Variants in HELZ observed in about 807,000 individuals in gnomAD.
The protein encoded by HELZ is ATP-dependent RNA helicase with zinc finger domain.
A neutral mutation model predicts 218.2 loss-of-function variants in HELZ; 23 were observed. That is an observed-to-expected ratio of 0.11 (90% CI 0.08 to 0.15). The LOEUF (loss-of-function observed/expected upper bound fraction) is 0.15, where lower values mean the gene tolerates loss of function less well. HELZ is among the 10% of genes least tolerant of loss of function. HELZ has a pLI of 1.00. For missense variants in HELZ, 1,813 were observed against 2,353.7 expected, an observed-to-expected ratio of 0.77 and a Z score of 4.75; for synonymous variants, 814 against 829.4, an observed-to-expected ratio of 0.98 and a Z score of 0.32.
rs571046635 is a variant in HELZ at position 67,072,403 on chromosome 17, C to G, written c.*5849G>C. The G allele has an allele frequency of 6.5e-6, 1 of 152,756 alleles. No homozygotes were observed. The highest frequency in any genetic ancestry group is 1.9e-4 in the East Asian group (1 of 5,184). The allele number at this position is 152,756 out of a possible 1,614,324, so 9.5% of individuals were successfully genotyped here. On this transcript the variant is annotated 3_prime_UTR_variant, in exon 33 of 33. Coordinates refer to ENST00000358691, the MANE Select transcript of HELZ (RefSeq NM_014877.4). Reference sequence around the variant, plus strand: ...ATCTGTGGTTTTCGATGCTCCATGTCACTGCCATCTTAGGACAGGGACTCC... The same window carrying G: ...ATCTGTGGTTTTCGATGCTCCATGTGACTGCCATCTTAGGACAGGGACTCC...
chr17:67,244,588 AAG>A, intron 1 of HELZ: 2 of 694,630 alleles, frequency 2.9e-6, no homozygotes. Context: ...GGGGCGGGGA[AAG>A]GGGGGAAGAA....
intron 2 of HELZ, among the ~76,000 whole-genome samples, chr17:67,241,771 TC>T (rs2041319933): frequency 6.6e-6 from 1 of 152,198 alleles, no homozygotes; most frequent in African/African-American, 2.4e-5. Flanking sequence ...TGTCCTAGCT[TC>T]CCAGCCAAAA....
rs372453784 is a variant in HELZ at position 67,123,052 on chromosome 17, C to T, written c.3548G>A (p.Arg1183Lys). The T allele has an allele frequency of 6.2e-7, 1 of 1,613,580 alleles. No homozygotes were observed. Among genetic ancestry groups the T allele is most frequent in the Non-Finnish European group, 8.5e-7 (1 of 1,179,536 alleles). ...ACTTGTCCCAGTGTGAGGATCTATT[C>T]TTTGAACAGGGCTTGGAGATTTTCC... is the stretch of plus-strand genomic sequence containing the variant. ...NLGKSPSPVQRIDPHTGTSIL... is the reference protein window; with the variant it reads ...NLGKSPSPVQKIDPHTGTSIL... Residue 1183 changes from arginine to lysine, a missense_variant, in exon 26 of 33, where the codon AGA (arginine) becomes AAA (lysine). Arg to Lys is a conservative substitution (Grantham distance 26). Transcript: ENST00000358691.
intron 31 of HELZ, among the ~76,000 whole-genome samples, chr17:67,105,572 C>G (rs1015931142): frequency 6.6e-6 from 1 of 152,086 alleles, no homozygotes; most frequent in Admixed American, 6.6e-5. Context: ...TAAAATCCAC[C>G]AAATTGTACA....
rs1324664877 is a variant in HELZ, at chr17:67,071,073, T to A, written c.*7179A>T. ...ATAATTTAGAAGAGAAGTATTTTAA[T>A]CACCATATTTACCTAGGATACAACT... On this transcript the variant is annotated 3_prime_UTR_variant, in exon 33 of 33. Transcript: ENST00000358691. The A allele has an allele frequency of 6.6e-6, 1 of 152,292 alleles. No homozygotes were observed. Among genetic ancestry groups the A allele is most frequent in the East Asian group, 1.9e-4 (1 of 5,198 alleles). The allele number at this position is 152,292 out of a possible 1,614,324, so 9.4% of individuals were successfully genotyped here. A position where few individuals can be genotyped will look rare whatever the true frequency, so the allele number is the denominator to read the frequency against.
chr17:67,107,714 A>G (rs2037151413), intron 30 of HELZ, 29 bp from the exon 31 acceptor site: 1 of 1,577,282 alleles, frequency 6.3e-7, no homozygotes, highest in Admixed American at 1.8e-5. Context: ...ATATGAGGAG[A>G]AAACAAAAGG....
intron 31 of HELZ, among the ~76,000 whole-genome samples, chr17:67,096,416 C>G (rs2036750691): frequency 6.6e-6 from 1 of 152,222 alleles, no homozygotes; most frequent in Non-Finnish European, 1.5e-5. Context: ...ACTTCTTCCT[C>G]TCTACCTGAG....
chr17:67,090,278 A>G (rs1332918403), intron 31 of HELZ, among the ~76,000 whole-genome samples: 4 of 152,188 alleles, frequency 2.6e-5, no homozygotes, highest in Non-Finnish European at 5.9e-5. Flanking sequence ...ATCATAGTAT[A>G]TTCTTTTCAT....
intron 23 of HELZ, among the ~76,000 whole-genome samples, chr17:67,133,161 CAACAT>C (rs1414505477): frequency 1.3e-5 from 2 of 151,726 alleles, no homozygotes; most frequent in Admixed American, 6.6e-5. Context: ...TTTTTTCACT[CAACAT>C]AATATATTTA....
At chr17:67,106,354 G>A (rs1037434108) in intron 31 of HELZ, among the ~76,000 whole-genome samples, 5 of 150,278 alleles carry the variant, frequency 3.3e-5, no homozygotes, top group Non-Finnish European at 5.9e-5. Flanking sequence ...TGTCGCCCAC[G>A]CTGGAGTGCA....
At chr17:67,233,491 G>C (rs990131020) in intron 3 of HELZ, among the ~76,000 whole-genome samples, 2 of 152,204 alleles carry the variant, frequency 1.3e-5, no homozygotes, top group African/African-American at 4.8e-5. Flanking sequence ...GCATTTCTCA[G>C]TGTGAAGCAG....
chr17:67,161,139 C>A (rs148457311), intron 15 of HELZ, 63 bp from the exon 16 acceptor site: 3 of 1,235,018 alleles, frequency 2.4e-6, no homozygotes, highest in East Asian at 2.5e-5. Context: ...ACATAACACA[C>A]GAGTATCGTG....
chr17:67,135,983 T>C lies in HELZ; in HGVS notation c.3169A>G (p.Ile1057Val), dbSNP rs184561121. 44 of 1,612,904 alleles carry C rather than the reference T, an allele frequency of 2.7e-5. No individual in the cohort carries two copies. The East Asian group carries it at 6.3e-4, about 23-fold the overall frequency. Residue 1057 changes from isoleucine to valine, a missense_variant, in exon 23 of 33, where the codon ATT (isoleucine) becomes GTT (valine). Around this residue, in one of 4 missense-constraint regions of HELZ, gnomAD observed 156 missense variants for 274.4 expected, o/e 0.57. Coordinates refer to ENST00000358691, the MANE Select transcript of HELZ (RefSeq NM_014877.4). ...VVGDPIALCS[I>V]GRCRKFWERF... Reference sequence around the variant, plus strand: ...ACACATAATTACCTGCATCTTCCAATAGAGCACAGAGCAATGGGATCACCC... The same window carrying C: ...ACACATAATTACCTGCATCTTCCAACAGAGCACAGAGCAATGGGATCACCC...
At chr17:67,101,500 A>T (rs998886922) in intron 31 of HELZ, among the ~76,000 whole-genome samples, 1 of 152,214 alleles carries the variant, frequency 6.6e-6, no homozygotes, top group African/African-American at 2.4e-5. Context: ...AGAAAAACAC[A>T]AAGTCCAGAA....
chr17:67,165,425 G>A lies in HELZ; in HGVS notation c.1895+1053C>T, dbSNP rs547886507. Among the ~76,000 whole-genome samples the A allele has an allele frequency of 7.4e-4, 112 of 152,246 alleles. 1 individual carries two copies. Among genetic ancestry groups the A allele is most frequent in the Non-Finnish European group, 1.2e-3 (80 of 68,012 alleles). On this transcript the variant is annotated intron_variant, in intron 15 of 32. Coordinates refer to ENST00000358691, the MANE Select transcript of HELZ (RefSeq NM_014877.4). ...CTCTTCCCCTGTCGGCCAGCTGAAC[G>A]TCAACACCCAGGGTGACCCTGGAAA...
chr17:67,090,232 A>G (rs2036538417), intron 31 of HELZ, among the ~76,000 whole-genome samples: 1 of 152,150 alleles, frequency 6.6e-6, no homozygotes, highest in South Asian at 2.1e-4. Flanking sequence ...TTCAAATACC[A>G]CACCAGCCTT....
At chr17:67,122,660 A>G (rs2037649985) in intron 26 of HELZ, among the ~76,000 whole-genome samples, 1 of 152,098 alleles carries the variant, frequency 6.6e-6, no homozygotes, top group Non-Finnish European at 1.5e-5. Context: ...GTGAGTCAAG[A>G]TTACACCACT....
intron 3 of HELZ, among the ~76,000 whole-genome samples, chr17:67,238,386 TA>T (rs2041241038): frequency 6.6e-6 from 1 of 150,822 alleles, no homozygotes; most frequent in Non-Finnish European, 1.5e-5. Flanking sequence ...AAAATTAATT[TA>T]AAAATAATTT....
In HELZ at chr17:67,120,398, A is replaced by C. The variant is rs1406937471; in HGVS notation, c.3838+7T>G. On this transcript the variant is annotated splice_region_variant and intron_variant, in intron 27 of 32. Coordinates refer to ENST00000358691, the MANE Select transcript of HELZ (RefSeq NM_014877.4). ...TATGAACAGGAGAACAGCGAAGTAC[A>C]ACTTACCATTTCGATTTTGCTCATG... is the stretch of plus-strand genomic sequence containing the variant. 6.2e-7 allele frequency: 1 copy of C among 1,611,814 alleles called. No individual in the cohort carries two copies. The highest frequency in any genetic ancestry group is 1.7e-5 in the Admixed American group (1 of 59,994).
Sources: allele counts gnomAD v4.1 joint callset (sites outside exome capture counted in the v4.1 genomes callset), GRCh38; gene constraint gnomAD v4.1.1; regional missense constraint gnomAD v4.1.1; transcripts MANE v1.5; gene names NCBI Gene and HGNC (gene_info 2026-07-23, HGNC 2026-07-21).